The following MTERF4 variants were observed in gnomAD, a reference collection of about 807,000 sequenced individuals.
The protein encoded by MTERF4 is mitochondrial transcription termination factor 4, also known as transcription termination factor 4, mitochondrial.
MTERF4 carries 17 observed loss-of-function variants against 22.5 expected under a neutral mutation model. The ratio of observed to expected loss-of-function variants is 0.75; its 90% CI spans 0.52 to 1.13. MTERF4 has a LOEUF of 1.13. Among genes scored for constraint, MTERF4 ranks in the 50% most tolerant of loss-of-function variants. MTERF4 has a pLI of 0.00. For missense variants in MTERF4, 420 were observed against 466.8 expected (o/e 0.90, Z 0.92); for synonymous variants, 165 against 175.3 (o/e 0.94, Z 0.47).
chr2:241,069,992 C>G (rs936589292), downstream of MTERF4: 24 of 1,612,862 alleles, frequency 1.5e-5, no homozygotes, highest in Non-Finnish European at 1.9e-5. The surrounding 1 kb of genome is among the most constrained non-coding windows in gnomAD (Gnocchi z 4.9). Flanking sequence ...TGGGATGCCC[C>G]GACTCCAGGC....
chr2:241,073,087 G>A lies in MTERF4; in HGVS notation n.3075C>T, dbSNP rs2062816812. 3.4e-6 allele frequency: 2 copies of A among 585,026 alleles called. No homozygotes were observed. The highest frequency in any genetic ancestry group is 6.1e-6 in the Non-Finnish European group (2 of 328,054). The allele number at this position is 585,026 out of a possible 1,614,324, so 36.2% of individuals were successfully genotyped here. On this transcript the variant is annotated non_coding_transcript_exon_variant, in exon 5 of 5. Transcript: ENST00000464344. The surrounding 1 kb of genome is among the most constrained non-coding windows in gnomAD (Gnocchi z 6.6). ...TCCAGAGGGTCAGCAGGAGGGTGAG[G>A]CCAGCCCTTCAGGGGAGGCAGCTCT...
chr2:241,068,249 C>T (rs1382237198), downstream of MTERF4, among the ~76,000 whole-genome samples: 2 of 146,858 alleles, frequency 1.4e-5, no homozygotes, highest in East Asian at 2.0e-4. The surrounding 1 kb of genome is among the most constrained non-coding windows in gnomAD (Gnocchi z 5.3). Flanking sequence ...ATGAGAGTGA[C>T]TTGGCCCCTC....
the MTERF4 span, among the ~76,000 whole-genome samples, chr2:241,062,579 C>A: frequency 6.6e-6 from 1 of 152,162 alleles, no homozygotes; most frequent in African/African-American, 2.4e-5. Flanking sequence ...GTTTCAAGCC[C>A]GCCCTGCTGC....
At position 241,080,154 on chromosome 2, in the gene MTERF4, C is replaced by T. The variant is rs186152340; in HGVS notation, n.480-4472G>A. On this transcript the variant is annotated intron_variant and non_coding_transcript_variant, in intron 4 of 4. Transcript: ENST00000464344. ...CAAAAATTAGCCAGGCATGGTGGTG[C>T]GCGCCTGTAGTACCAGCTACTCGGG... Among the ~76,000 whole-genome samples the T allele has an allele frequency of 5.9e-4, 89 of 151,988 alleles. 1 individual carries two copies. Among genetic ancestry groups the T allele is most frequent in the African/African-American group, 1.8e-3 (73 of 41,436 alleles).
chr2:241,101,818 C>T (rs1398731632), intron 1 of MTERF4, among the ~76,000 whole-genome samples: 1 of 152,164 alleles, frequency 6.6e-6, no homozygotes, highest in East Asian at 1.9e-4. Context: ...TTTGGGAGTT[C>T]GAGGCGGGTG....
the MTERF4 span, among the ~76,000 whole-genome samples, chr2:241,058,083 A>G: frequency 1.3e-5 from 2 of 152,208 alleles, no homozygotes; most frequent in African/African-American, 4.8e-5. Flanking sequence ...AAGACTATAC[A>G]AAGAATGAAA....
At chr2:241,061,712 C>G in the MTERF4 span, among the ~76,000 whole-genome samples, 1 of 151,918 alleles carries the variant, frequency 6.6e-6, no homozygotes, top group African/African-American at 2.4e-5. Flanking sequence ...TAGTGAAACC[C>G]CATCTCTACT....
rs1431904767 is a variant in MTERF4 at position 241,097,315 on chromosome 2, T to C, written c.633A>G (p.Gln211=). Residue 211 remains glutamine (Q), a synonymous_variant, in exon 3 of 4, where the codon CAA becomes CAG. Transcript: ENST00000391980. ...GGCAACTGTGCAAAATCTTGGTGAC[T>C]TGCTGTACCGTGAAAAGGCACTTCT... is the stretch of plus-strand genomic sequence containing the variant. The part of the protein sequence containing the change: ...LKEKCLFTVQ[Q]VTKILHSCPS... 2 of 1,614,210 alleles carry C rather than the reference T, an allele frequency of 1.2e-6. No individual in the cohort carries two copies. The highest frequency in any genetic ancestry group is 3.3e-5 in the Admixed American group (2 of 60,026).
chr2:241,087,389 C>T, downstream of MTERF4: 1 of 1,592,280 alleles, frequency 6.3e-7, no homozygotes, highest in African/African-American at 1.3e-5. Flanking sequence ...CTTGTGACAA[C>T]AGGTATAAAA....
At chr2:241,062,477 A>C in the MTERF4 span, among the ~76,000 whole-genome samples, 1 of 152,212 alleles carries the variant, frequency 6.6e-6, no homozygotes, top group Admixed American at 6.5e-5. Context: ...ATGGGACATG[A>C]GACATTTTCT....
the MTERF4 span, among the ~76,000 whole-genome samples, chr2:241,053,842 G>A: frequency 2.0e-5 from 3 of 152,208 alleles, no homozygotes; most frequent in East Asian, 1.9e-4. Flanking sequence ...CCCTCTGACC[G>A]AAGCCCCTGG....
chr2:241,055,351 C>T, the MTERF4 span, among the ~76,000 whole-genome samples: 1 of 152,068 alleles, frequency 6.6e-6, no homozygotes, highest in Non-Finnish European at 1.5e-5. Context: ...ATATCCTAGA[C>T]AAACAGAAAA....
chr2:241,076,634 G>C (rs1210007860), intron 4 of MTERF4, among the ~76,000 whole-genome samples: 2 of 152,192 alleles, frequency 1.3e-5, no homozygotes. Flanking sequence ...GGCCTAGGCA[G>C]GTGAATCACT....
downstream of MTERF4, among the ~76,000 whole-genome samples, chr2:241,083,405 T>C (rs1394662831): frequency 6.6e-6 from 1 of 151,940 alleles, no homozygotes; most frequent in African/African-American, 2.4e-5. Context: ...GAGGAGCTAC[T>C]GAAGGGTTCT....
chr2:241,071,763 CG>C, downstream of MTERF4: 2 of 1,559,812 alleles, frequency 1.3e-6, no homozygotes, highest in Non-Finnish European at 8.7e-7. Context: ...AGGCGGCGCT[CG>C]GACTGTGGTG....
the MTERF4 span, chr2:241,064,123 C>G: frequency 6.4e-7 from 1 of 1,552,356 alleles, no homozygotes. The surrounding 1 kb of genome is among the most constrained non-coding windows in gnomAD (Gnocchi z 7.0). Context: ...CACTGCGAGA[C>G]AGGTAGGGCG....
At chr2:241,063,538 C>A in the MTERF4 span, 3 of 1,245,586 alleles carry the variant, frequency 2.4e-6, no homozygotes, top group African/African-American at 1.5e-5. Context: ...GGCATGTGGG[C>A]GCCTCAGACT....
chr2:241,096,721 T>A lies in MTERF4; in HGVS notation c.706-283A>T, dbSNP rs1559337775. On this transcript the variant is annotated intron_variant, in intron 3 of 3. Transcript: ENST00000391980. The surrounding 1 kb of genome is among the most constrained non-coding windows in gnomAD (Gnocchi z 5.1). Reference sequence around the variant, plus strand: ...GGAAGAGGTGGTATTTTTCTTTAAATGGGGAAGGAAAAGGATGAATATGGA... The same window carrying A: ...GGAAGAGGTGGTATTTTTCTTTAAAAGGGGAAGGAAAAGGATGAATATGGA... The A allele has an allele frequency of 8.0e-6, 5 of 626,268 alleles. No individual in the cohort carries two copies. The highest frequency in any genetic ancestry group is 9.0e-6 in the Non-Finnish European group (3 of 331,790). The allele number at this position is 626,268 out of a possible 1,614,324, so 38.8% of individuals were successfully genotyped here.
chr2:241,099,953 C>T lies in MTERF4; in HGVS notation c.22-59G>A, dbSNP rs113595009. On this transcript the variant is annotated intron_variant, in intron 1 of 3. Coordinates refer to ENST00000391980, the MANE Select transcript of MTERF4 (RefSeq NM_182501.4). ...CTCACTATTCCAGTGTAATGGACAC[C>T]ATAAGACTTCTGAGCCAGAGTACTT... The T allele has an allele frequency of 3.5e-5, 54 of 1,550,918 alleles. 3 individuals carry two copies. The African/African-American group carries it at 5.2e-4, about 15-fold the overall frequency.
Sources: gnomAD v4.1 joint callset for allele counts (sites outside exome capture counted in the v4.1 genomes callset) on GRCh38, gnomAD v4.1.1 for gene constraint, Gnocchi (gnomAD v3.1) non-coding constraint, MANE v1.5 for transcripts, NCBI Gene and HGNC (gene_info 2026-07-23, HGNC 2026-07-21) for gene names.